Variants in UGT1A6 observed in about 807,000 individuals in gnomAD.
UGT1A6 encodes the protein UDP-glucuronosyltransferase 1A6.
Under a neutral mutation model 44.4 loss-of-function variants are expected in UGT1A6, and 32 were observed. The observed-to-expected ratio is 0.72, with a 90% confidence interval of 0.54 to 0.97. The LOEUF is 0.97. Ranked by LOEUF, UGT1A6 falls within the 50% of genes least tolerant of loss-of-function variation. The probability of loss-of-function intolerance (pLI) is 0.00; values close to 1 mark genes in which losing one functional copy is unlikely to be tolerated. For missense variants in UGT1A6, 685 were observed against 661.9 expected (o/e 1.03, Z -0.38); for synonymous variants, 238 against 248.5 (o/e 0.96, Z 0.40).
At chr2:233,756,094 T>C (rs908379674) in intron 1 of UGT1A6, 2 of 152,220 alleles carry the variant, frequency 1.3e-5, no homozygotes, top group African/African-American at 4.8e-5. Flanking sequence ...CAAGTAACAT[T>C]ATTACGGAAA....
At chr2:233,696,570 G>A (rs2075349784) in intron 1 of UGT1A6, among the ~76,000 whole-genome samples, 1 of 151,964 alleles carries the variant, frequency 6.6e-6, no homozygotes, top group Non-Finnish European at 1.5e-5. Flanking sequence ...CTGAGAACAA[G>A]AATAATTTGA....
intron 1 of UGT1A6, chr2:233,743,522 T>C: frequency 7.3e-7 from 1 of 1,367,282 alleles, no homozygotes; most frequent in Non-Finnish European, 9.8e-7. Flanking sequence ...CTGCTTCTGC[T>C]TCCCCAGCAG....
chr2:233,770,514 C>T (rs191930447), intron 4 of UGT1A6: 1 of 152,136 alleles, frequency 6.6e-6, no homozygotes, highest in Non-Finnish European at 1.5e-5. Flanking sequence ...AAAAATTACC[C>T]AGGCATGGTG....
intron 1 of UGT1A6, chr2:233,755,033 G>A (rs1238728031): frequency 2.3e-6 from 3 of 1,314,014 alleles, no homozygotes; most frequent in Non-Finnish European, 3.1e-6. Context: ...AGGGCCTGCC[G>A]CCTGCGCAGC....
intron 1 of UGT1A6, chr2:233,761,263 A>G (rs953290784): frequency 6.9e-6 from 11 of 1,601,374 alleles, no homozygotes; most frequent in Non-Finnish European, 9.4e-6. Flanking sequence ...ATAATTTAAA[A>G]TGCCCTCTTT....
chr2:233,707,658 T>C (rs988714279), intron 1 of UGT1A6, among the ~76,000 whole-genome samples: 2 of 152,184 alleles, frequency 1.3e-5, no homozygotes, highest in South Asian at 4.1e-4. Context: ...ACCACAATTT[T>C]ATTTATCCAT....
intron 1 of UGT1A6, among the ~76,000 whole-genome samples, chr2:233,698,691 T>TA (rs937682275): frequency 1.3e-5 from 2 of 152,038 alleles, no homozygotes; most frequent in Non-Finnish European, 2.9e-5. Context: ...AATACATTTC[T>TA]AAAAAAAATG....
At chr2:233,747,710 A>G (rs1208548533) in intron 1 of UGT1A6, 3 of 1,612,980 alleles carry the variant, frequency 1.9e-6, no homozygotes, top group Non-Finnish European at 1.7e-6. Flanking sequence ...AGTACCTATC[A>G]ATTCCTGCTG....
intron 1 of UGT1A6, chr2:233,719,143 A>T: frequency 6.2e-7 from 1 of 1,614,250 alleles, no homozygotes; most frequent in Non-Finnish European, 8.5e-7. Flanking sequence ...CATCTTCTGA[A>T]GAGATATTCT....
At chr2:233,718,552 G>C (rs536854799) in intron 1 of UGT1A6, among the ~76,000 whole-genome samples, 10 of 152,348 alleles carry the variant, frequency 6.6e-5, no homozygotes, top group Admixed American at 2.6e-4. Context: ...GAATGAGAAA[G>C]AAGAGCTTGA....
At chr2:233,719,798 T>C (rs2125672120) in intron 1 of UGT1A6, 1 of 1,604,450 alleles carries the variant, frequency 6.2e-7, no homozygotes, top group Non-Finnish European at 8.5e-7. Flanking sequence ...GATTTTATTT[T>C]GGCTTCTTTA....
At chr2:233,703,893 C>A (rs7567229) in intron 1 of UGT1A6, among the ~76,000 whole-genome samples, 56,931 of 151,252 alleles carry the variant, frequency 0.38, 11,775 homozygotes, top group African/African-American at 0.55. Flanking sequence ...TCATTTTTTT[C>A]TTTTCTTTTT....
intron 1 of UGT1A6, chr2:233,730,082 T>C (rs1479796808): frequency 2.1e-5 from 33 of 1,603,816 alleles, no homozygotes; most frequent in Non-Finnish European, 2.4e-5. Flanking sequence ...CCATATTTAC[T>C]TATCTTTCCA....
rs1187391866 is a variant in UGT1A6 at position 233,724,541 on chromosome 2, C to T, written c.861+30676C>T. Among the ~76,000 whole-genome samples the T allele has an allele frequency of 2.0e-4, 24 of 122,440 alleles. 1 individual carries two copies. Among genetic ancestry groups the T allele is most frequent in the Admixed American group, 1.0e-3 (13 of 12,646 alleles). 80.3% of individuals were successfully genotyped at this position (122,440 alleles called of 152,430 possible). On this transcript the variant is annotated intron_variant, in intron 1 of 4. Transcript: ENST00000305139. ...CAGATGGGGTCTCGCCGGGCAGAGG[C>T]GCTCCTCACATCCCAGATGGGGCGG... is the stretch of plus-strand genomic sequence containing the variant.
upstream of UGT1A6, chr2:233,692,804 A>T (rs2075115525): frequency 2.1e-6 from 3 of 1,403,232 alleles, no homozygotes. Flanking sequence ...ACACGGCCAT[A>T]GTTGGTTCAT....
chr2:233,753,072 ACTC>A (rs1477069056), intron 1 of UGT1A6: 1 of 151,486 alleles, frequency 6.6e-6, no homozygotes, highest in Non-Finnish European at 1.5e-5. Context: ...CCACCTCAAA[ACTC>A]CTTTTATTCC....
chr2:233,755,381 T>A (rs759849144), intron 1 of UGT1A6: 1 of 348,720 alleles, frequency 2.9e-6, no homozygotes, highest in Non-Finnish European at 5.6e-6. Flanking sequence ...GGCCGCCCCT[T>A]ATGACGCAGC....
intron 4 of UGT1A6, 140 bp downstream of exon 4, chr2:233,768,579 CTTCTTTT>C: frequency 1.1e-6 from 1 of 934,852 alleles, no homozygotes; most frequent in Non-Finnish European, 1.4e-6. Context: ...ATTTTTATTT[CTTCTTTT>C]TTTTTTTTTT....
At chr2:233,726,154 A>C (rs1401315695) in intron 1 of UGT1A6, among the ~76,000 whole-genome samples, 3 of 152,336 alleles carry the variant, frequency 2.0e-5, no homozygotes, top group Middle Eastern at 3.4e-3. Flanking sequence ...TGACAGAGTG[A>C]GGCCCCATTT....
Sources: gnomAD v4.1 joint callset for allele counts (sites outside exome capture counted in the v4.1 genomes callset) on GRCh38, gnomAD v4.1.1 for gene constraint, MANE v1.5 for transcripts, NCBI Gene and HGNC (gene_info 2026-07-23, HGNC 2026-07-21) for gene names.